ADARB1: variants seen among roughly 807,000 people sequenced by gnomAD.
The protein encoded by ADARB1 is double-stranded RNA-specific editase 1.
ADARB1 carries 10 observed loss-of-function variants against 52.4 expected under a neutral mutation model. That is an observed-to-expected ratio of 0.19 (90% CI 0.12 to 0.32). ADARB1 has a LOEUF of 0.32. Among genes scored for constraint, ADARB1 ranks in the 10% least tolerant of loss-of-function variants. ADARB1 has a pLI of 1.00. For synonymous variants in ADARB1, 349 were observed against 371.1 expected (o/e 0.94, Z 0.68); for missense variants, 643 against 922.3 (o/e 0.70, Z 3.92).
chr21:45,225,045 A>G lies in ADARB1; in HGVS notation c.*2848A>G, dbSNP rs925252952. 7.6e-5 allele frequency: 75 copies of G among 983,522 alleles called. No individual in the cohort carries two copies. The highest frequency in any genetic ancestry group is 8.9e-5 in the Non-Finnish European group (74 of 830,160). The allele number at this position is 983,522 out of a possible 1,614,324, so 60.9% of individuals were successfully genotyped here. On this transcript the variant is annotated 3_prime_UTR_variant, in exon 11 of 11. Transcript: ENST00000348831. ...AATATTACATTTTGAGGACATTTTG[A>G]CAAGTAGGGGAAGAGAGGGCTTCTG...
chr21:45,167,483 G>A (rs2091299011), intron 2 of ADARB1, among the ~76,000 whole-genome samples: 1 of 152,196 alleles, frequency 6.6e-6, no homozygotes, highest in East Asian at 1.9e-4. Flanking sequence ...TGGGTGCGGT[G>A]ACTCATGCCT....
Position 45,140,258 on chromosome 21 carries a change from G to A in ADARB1, c.-48+11685G>A, listed in dbSNP as rs754082911. 7.4e-4 allele frequency among the ~76,000 whole-genome samples: 113 copies of A among 152,234 alleles called. 1 individual carries two copies. The Middle Eastern group carries it at 0.014, about 18-fold the overall frequency. ...AATATATTCTGACAAATGTATGCCA[G>A]TGCCACACCACCAAGCAGCTGAGGT... On this transcript the variant is annotated intron_variant, in intron 2 of 10. Transcript: ENST00000348831.
At chr21:45,150,054 A>AGGGC (rs1391361944) in intron 2 of ADARB1, among the ~76,000 whole-genome samples, 1 of 152,202 alleles carries the variant, frequency 6.6e-6, no homozygotes, top group Non-Finnish European at 1.5e-5. Context: ...GAGGCCAAGG[A>AGGGC]GGGCGGTTCA....
Position 45,176,430 on chromosome 21 carries a change from G to A in ADARB1, c.729G>A (p.Leu243=), listed in dbSNP as rs1488322232. Residue 243 remains leucine, a synonymous_variant, in exon 4 of 11, where the codon CTG becomes CTA. Transcript: ENST00000348831. The surrounding 1 kb of genome is among the most constrained non-coding windows in gnomAD (Gnocchi z 5.8). ...ATCCCGTGATGATCTTGAACGAACT[G>A]CGCCCAGGACTCAAGTATGACTTCC... The part of the protein sequence containing the change: ...GKNPVMILNE[L]RPGLKYDFLS... 16 of 1,614,092 alleles carry A rather than the reference G, an allele frequency of 9.9e-6. No individual in the cohort carries two copies. The highest frequency in any genetic ancestry group is 1.4e-5 in the Non-Finnish European group (16 of 1,180,054).
rs898858420 is a variant in ADARB1, at chr21:45,199,869, T to C, written c.1566-4686T>C. 2.0e-5 allele frequency among the ~76,000 whole-genome samples: 3 copies of C among 152,234 alleles called. No individual in the cohort carries two copies. In the East Asian group the frequency reaches 5.8e-4, roughly 29 times the overall value. On this transcript the variant is annotated intron_variant, in intron 8 of 10. Transcript: ENST00000348831. ...CATTTGGAGGATCCTTGCTGGGGCG[T>C]GGGGATGTCACACACATAAATGCAG...
rs115282569 is a variant in ADARB1, at chr21:45,161,504, C to T, written c.-47-10106C>T. ...CTGACATGCCAGCACCCTGCTGCCT[C>T]GGCACCCCCAGACTTTGGGTGCTGA... On this transcript the variant is annotated intron_variant, in intron 2 of 10. Coordinates refer to ENST00000348831, the MANE Select transcript of ADARB1 (RefSeq NM_001112.4). Among the ~76,000 whole-genome samples, 1,302 of 152,320 alleles carry T rather than the reference C, an allele frequency of 8.5e-3. 13 individuals are homozygous for T. Among genetic ancestry groups the T allele is most frequent in the African/African-American group, 0.03 (1,235 of 41,556 alleles).
chr21:45,076,584 C>T (rs1568985788), intron 1 of ADARB1, among the ~76,000 whole-genome samples: 1 of 152,182 alleles, frequency 6.6e-6, no homozygotes, highest in East Asian at 1.9e-4. Context: ...ACACATGTGT[C>T]TCTGGTGTGA....
intron 2 of ADARB1, among the ~76,000 whole-genome samples, chr21:45,158,348 A>G (rs2090776544): frequency 6.6e-6 from 1 of 152,204 alleles, no homozygotes; most frequent in Non-Finnish European, 1.5e-5. Context: ...AGAGGGTATC[A>G]GTGTAGAACA....
chr21:45,098,494 G>T (rs1569005038), intron 1 of ADARB1, among the ~76,000 whole-genome samples: 1 of 152,018 alleles, frequency 6.6e-6, no homozygotes, highest in African/African-American at 2.4e-5. Context: ...ATCCCGTCCT[G>T]ACCTGCCTGT....
At chr21:45,197,218 A>G (rs1389337864) in intron 8 of ADARB1, among the ~76,000 whole-genome samples, 2 of 151,636 alleles carry the variant, frequency 1.3e-5, no homozygotes, top group Non-Finnish European at 2.9e-5. Flanking sequence ...AGTTACAGAT[A>G]TGGCCAGGCG....
chr21:45,224,684 A>C lies in ADARB1; in HGVS notation c.*2487A>C, dbSNP rs11701976. ...GGTTCCGGGAGCCCTGGGCCGGGGC[A>C]GGGGGCGGCTGTAGGAAGGAACTGG... On this transcript the variant is annotated 3_prime_UTR_variant, in exon 11 of 11. Transcript: ENST00000348831. 2 of 896,180 alleles carry C rather than the reference A, an allele frequency of 2.2e-6. No individual in the cohort carries two copies. Among genetic ancestry groups the C allele is most frequent in the Non-Finnish European group, 1.3e-6 (1 of 765,646 alleles). The allele number at this position is 896,180 out of a possible 1,614,324, so 55.5% of individuals were successfully genotyped here. A position where few individuals can be genotyped will look rare whatever the true frequency, so the allele number is the denominator to read the frequency against.
At chr21:45,141,471 T>C (rs2089718320) in intron 2 of ADARB1, among the ~76,000 whole-genome samples, 1 of 152,162 alleles carries the variant, frequency 6.6e-6, no homozygotes, top group South Asian at 2.1e-4. Flanking sequence ...TATGTTCCAG[T>C]TTAGTATCAA....
At chr21:45,184,427 C>A in intron 7 of ADARB1, 1 of 198,970 alleles carries the variant, frequency 5.0e-6, no homozygotes, top group South Asian at 6.1e-5. Flanking sequence ...GTGTTATGTC[C>A]TTCCTACTCA....
At chr21:45,146,248 T>A (rs1021871137) in intron 2 of ADARB1, 24 of 152,266 alleles carry the variant, frequency 1.6e-4, no homozygotes, top group Admixed American at 1.6e-3. Flanking sequence ...TATGGGAGTT[T>A]AGGCATACTT....
At chr21:45,169,274 G>A (rs965659875) in intron 2 of ADARB1, among the ~76,000 whole-genome samples, 1 of 152,224 alleles carries the variant, frequency 6.6e-6, no homozygotes, top group African/African-American at 2.4e-5. Flanking sequence ...GGGACTCTGG[G>A]GTTGTCCTTA....
At chr21:45,183,551 A>G in intron 7 of ADARB1, 41 bp downstream of exon 7, 2 of 1,605,258 alleles carry the variant, frequency 1.2e-6, no homozygotes, top group East Asian at 2.2e-5. Flanking sequence ...TTCTCAAGAA[A>G]ATGTTAACAG....
chr21:45,101,255 C>G (rs2086998971), intron 1 of ADARB1, among the ~76,000 whole-genome samples: 1 of 152,162 alleles, frequency 6.6e-6, no homozygotes, highest in South Asian at 2.1e-4. Flanking sequence ...CCGGAGCTGG[C>G]TCTGCGCTCA....
At chr21:45,193,476 G>T (rs2092351180) in intron 8 of ADARB1, among the ~76,000 whole-genome samples, 1 of 129,886 alleles carries the variant, frequency 7.7e-6, no homozygotes. Context: ...CTAAGATCAG[G>T]AACAAAACAA....
At chr21:45,135,498 C>T (rs1007743769) in intron 2 of ADARB1, among the ~76,000 whole-genome samples, 17 of 152,372 alleles carry the variant, frequency 1.1e-4, no homozygotes, top group African/African-American at 2.9e-4. Context: ...CTGCTTTCAG[C>T]AGGACCACTG....
Sources: allele counts gnomAD v4.1 joint callset (sites outside exome capture counted in the v4.1 genomes callset), GRCh38; gene constraint gnomAD v4.1.1; non-coding constraint Gnocchi (gnomAD v3.1); transcripts MANE v1.5; gene names NCBI Gene and HGNC (gene_info 2026-07-23, HGNC 2026-07-21).